ESR1: variants seen among roughly 807,000 people sequenced by gnomAD.
ESR1 encodes estrogen receptor.
ESR1 carries 12 observed loss-of-function variants against 52.7 expected under a neutral mutation model. The observed-to-expected ratio is 0.23, with a 90% CI of 0.15 to 0.37. The LOEUF is 0.37. ESR1 is among the 10% of genes least tolerant of loss of function. The pLI is 1.00. For synonymous variants in ESR1, 305 were observed against 316.8 expected (o/e 0.96, Z 0.39); for missense variants, 584 against 779.7 (o/e 0.75, Z 2.99).
chr6:151,735,430 G>A (rs756016930), intron 2 of ESR1, among the ~76,000 whole-genome samples: 4 of 152,156 alleles, frequency 2.6e-5, no homozygotes, highest in Non-Finnish European at 5.9e-5. Context: ...TGCTTGCTCA[G>A]AAACCATAAG....
intron 2 of ESR1, among the ~76,000 whole-genome samples, chr6:151,761,214 G>A (rs901644731): frequency 1.3e-5 from 2 of 150,690 alleles, no homozygotes; most frequent in Non-Finnish European, 3.0e-5. Flanking sequence ...TGGTTGGCAG[G>A]TGTTTATTTA....
intron 2 of ESR1, among the ~76,000 whole-genome samples, chr6:151,727,121 A>T (rs117735590): frequency 0.02 from 3,005 of 152,298 alleles, 37 homozygotes; most frequent in East Asian, 0.03. Context: ...TAACATAAAT[A>T]TACCAATTTT....
At chr6:151,926,688 C>T (rs1451222302) in intron 3 of ESR1, among the ~76,000 whole-genome samples, 5 of 152,144 alleles carry the variant, frequency 3.3e-5, no homozygotes, top group African/African-American at 9.6e-5. Flanking sequence ...TGTATATTGA[C>T]ATTAGATCCT....
intron 3 of ESR1, among the ~76,000 whole-genome samples, chr6:151,934,716 A>G (rs1290857969): frequency 1.3e-5 from 2 of 152,244 alleles, no homozygotes; most frequent in Non-Finnish European, 2.9e-5. Context: ...ATAATTTCCA[A>G]AAATAAAAGC....
In ESR1 at chr6:151,787,032, C is replaced by A. The variant is rs376002175; in HGVS notation, c.-70-20811C>A. Reference sequence around the variant, plus strand: ...CCAAGTTGGCCAGGCTGGTCGTGAACTCCTGACCTCAGTTGATCCACCCCA... The same window carrying A: ...CCAAGTTGGCCAGGCTGGTCGTGAAATCCTGACCTCAGTTGATCCACCCCA... On this transcript the variant is annotated intron_variant, in intron 2 of 2. Coordinates refer to the ESR1 transcript ENST00000404742. 1.2e-4 allele frequency among the ~76,000 whole-genome samples: 19 copies of A among 152,332 alleles called. No individual in the cohort carries two copies. The East Asian group carries it at 2.9e-3, about 23-fold the overall frequency.
chr6:151,977,963 G>GAAACAACAAAAAAAAAAAAAA (rs2039609093), intron 4 of ESR1, among the ~76,000 whole-genome samples: 1 of 118,358 alleles, frequency 8.4e-6, no homozygotes, highest in Non-Finnish European at 1.7e-5. Flanking sequence ...AAAAAAAAAA[G>GAAACAACAAAAAAAAAAAAAA]AAAAAAAAAA....
In ESR1 at chr6:152,102,172, T is replaced by C. The variant is rs1276544285; in HGVS notation, c.*3206T>C. On this transcript the variant is annotated 3_prime_UTR_variant, in exon 8 of 8. Coordinates refer to ENST00000206249, the MANE Select transcript of ESR1 (RefSeq NM_000125.4). ...TTAACCAAGCCATAGCCCATGCCTTTTGAGGGCTGAACAAATAAGGGACTT... is the reference window on the plus strand; with the variant it reads ...TTAACCAAGCCATAGCCCATGCCTTCTGAGGGCTGAACAAATAAGGGACTT... The C allele has an allele frequency of 9.6e-6, 2 of 209,220 alleles. No individual in the cohort carries two copies. Among genetic ancestry groups the C allele is most frequent in the Non-Finnish European group, 1.9e-5 (2 of 102,582 alleles). 13.0% of individuals were successfully genotyped at this position (209,220 alleles called of 1,614,324 possible).
upstream of ESR1, among the ~76,000 whole-genome samples, chr6:151,799,887 G>C (rs1414244122): frequency 6.6e-6 from 1 of 152,148 alleles, no homozygotes; most frequent in East Asian, 1.9e-4. Flanking sequence ...AGTCCAGAGG[G>C]ACTGAGGAAC....
chr6:151,987,121 A>C (rs981917097), intron 4 of ESR1, among the ~76,000 whole-genome samples: 3 of 151,646 alleles, frequency 2.0e-5, no homozygotes, highest in South Asian at 2.1e-4. Context: ...CCTGGGTCCA[A>C]ATGGGCTTTG....
chr6:151,700,968 T>A (rs746597987), intron 1 of ESR1, among the ~76,000 whole-genome samples: 5 of 151,952 alleles, frequency 3.3e-5, no homozygotes, highest in Non-Finnish European at 5.9e-5. Flanking sequence ...TCTATTGAAA[T>A]AACTTAAAGT....
At chr6:152,103,953 A>G (rs1041833418), downstream of ESR1, among the ~76,000 whole-genome samples, 3 of 144,788 alleles carry the variant, frequency 2.1e-5, no homozygotes, top group African/African-American at 7.6e-5. Flanking sequence ...CTCTGCAGCT[A>G]GATTACTGTT....
At chr6:151,802,218 A>C (rs1777321058), upstream of ESR1, among the ~76,000 whole-genome samples, 1 of 152,212 alleles carries the variant, frequency 6.6e-6, no homozygotes, top group Non-Finnish European at 1.5e-5. Context: ...AAAACCCTTA[A>C]AATAAGTGAC....
At chr6:151,934,616 C>G (rs2034125471) in intron 3 of ESR1, among the ~76,000 whole-genome samples, 1 of 152,136 alleles carries the variant, frequency 6.6e-6, no homozygotes, top group East Asian at 1.9e-4. Context: ...TGGTAGGAGA[C>G]AGCAGTTTTA....
chr6:151,666,221 T>C (rs746672351), intron 1 of ESR1, among the ~76,000 whole-genome samples: 10 of 152,210 alleles, frequency 6.6e-5, no homozygotes, highest in African/African-American at 2.4e-4. Context: ...ACAAGTTCCA[T>C]GCCCAGAGGA....
At chr6:151,706,530 C>T (rs955461320) in intron 2 of ESR1, among the ~76,000 whole-genome samples, 2 of 152,106 alleles carry the variant, frequency 1.3e-5, no homozygotes, top group African/African-American at 4.8e-5. Flanking sequence ...CTCCACAGGG[C>T]CATTGTTTAC....
chr6:151,964,783 A>G (rs576659488), intron 4 of ESR1, among the ~76,000 whole-genome samples: 2 of 152,098 alleles, frequency 1.3e-5, no homozygotes, highest in Admixed American at 1.3e-4. Flanking sequence ...CTGGGGCTAC[A>G]GGTGCCCGCC....
At chr6:151,965,639 A>G (rs1035442811) in intron 4 of ESR1, among the ~76,000 whole-genome samples, 1 of 152,040 alleles carries the variant, frequency 6.6e-6, no homozygotes, top group Admixed American at 6.5e-5. Flanking sequence ...TAATATACCT[A>G]TATTTATAAT....
chr6:151,742,099 A>T (rs1403010798), intron 2 of ESR1, among the ~76,000 whole-genome samples: 1 of 152,180 alleles, frequency 6.6e-6, no homozygotes, highest in Non-Finnish European at 1.5e-5. Context: ...TGTTGTGGCA[A>T]ATGGCAAGAT....
intron 6 of ESR1, among the ~76,000 whole-genome samples, chr6:152,084,046 G>C (rs892507129): frequency 5.9e-5 from 9 of 152,174 alleles, no homozygotes; most frequent in Non-Finnish European, 1.0e-4. Context: ...CGATAGACTG[G>C]ATAAAGAAAA....
Sources: allele counts gnomAD v4.1 joint callset (sites outside exome capture counted in the v4.1 genomes callset), GRCh38; gene constraint gnomAD v4.1.1; transcripts MANE v1.5; gene names NCBI Gene and HGNC (gene_info 2026-07-23, HGNC 2026-07-21).